Variants in ATP10A observed in about 807,000 individuals in gnomAD.
ATP10A encodes the protein phospholipid-transporting ATPase VA.
In ATP10A, 111 loss-of-function variants were observed where a neutral mutation model predicts 147.8. The observed-to-expected ratio is 0.75, with a 90% CI of 0.64 to 0.88. ATP10A has a LOEUF of 0.88. Ranked by LOEUF, ATP10A falls within the 40% of genes least tolerant of loss-of-function variation. ATP10A has a pLI of 0.00. For missense variants in ATP10A, 1,927 were observed against 1,959.0 expected (o/e 0.98, Z 0.31); for synonymous variants, 875 against 841.6 (o/e 1.04, Z -0.69).
At chr15:25,800,880 C>T (rs1167335854) in intron 1 of ATP10A, among the ~76,000 whole-genome samples, 2 of 152,104 alleles carry the variant, frequency 1.3e-5, no homozygotes, top group African/African-American at 2.4e-5. Flanking sequence ...CATCAGGAAC[C>T]GAGTTCCCAT....
At chr15:25,691,322 G>C (rs907399127) in intron 15 of ATP10A, among the ~76,000 whole-genome samples, 1 of 152,126 alleles carries the variant, frequency 6.6e-6, no homozygotes. Flanking sequence ...GTACAGTGAC[G>C]CCAGGCTCCA....
At chr15:25,727,605 T>C (rs1305244991) in intron 3 of ATP10A, among the ~76,000 whole-genome samples, 3 of 152,166 alleles carry the variant, frequency 2.0e-5, no homozygotes, top group Non-Finnish European at 4.4e-5. Context: ...CCTTGCTACG[T>C]GGTCTCTGTA....
At chr15:25,770,938 T>C (rs7176203) in intron 2 of ATP10A, among the ~76,000 whole-genome samples, 123,572 of 152,196 alleles carry the variant, frequency 0.81, 50,175 homozygotes, top group Middle Eastern at 0.85. Flanking sequence ...GGAACTCGGG[T>C]CGCACAGGGG....
At chr15:25,809,727 C>T (rs1341985758) in intron 1 of ATP10A, among the ~76,000 whole-genome samples, 1 of 152,126 alleles carries the variant, frequency 6.6e-6, no homozygotes, top group African/African-American at 2.4e-5. Flanking sequence ...GAAGACAACC[C>T]CACTCCTGCA....
intron 4 of ATP10A, 59 bp downstream of exon 4, chr15:25,727,101 G>A: frequency 8.3e-7 from 1 of 1,209,242 alleles, no homozygotes; most frequent in South Asian, 1.3e-5. Context: ...ACAGTGAGGG[G>A]AAGTGCTGGA....
intron 1 of ATP10A, among the ~76,000 whole-genome samples, chr15:25,839,707 A>T (rs1264045788): frequency 6.6e-6 from 1 of 152,162 alleles, no homozygotes; most frequent in African/African-American, 2.4e-5. Context: ...TACCATTAAT[A>T]ACTCAATGGT....
intron 2 of ATP10A, among the ~76,000 whole-genome samples, chr15:25,751,239 GC>G (rs1434706365): frequency 6.6e-6 from 1 of 152,072 alleles, no homozygotes; most frequent in Non-Finnish European, 1.5e-5. Context: ...GGGCCAAAAT[GC>G]CCCTGACAAC....
intron 16 of ATP10A, among the ~76,000 whole-genome samples, chr15:25,686,039 C>T (rs754351151): frequency 6.6e-6 from 1 of 152,042 alleles, no homozygotes. Context: ...GAGGTATGAG[C>T]CGGCAAGCCC....
chr15:25,751,847 G>A (rs1888169943), intron 2 of ATP10A, among the ~76,000 whole-genome samples: 1 of 152,012 alleles, frequency 6.6e-6, no homozygotes, highest in African/African-American at 2.4e-5. Flanking sequence ...TAAAGAATAG[G>A]CAAGGGATCT....
chr15:25,786,077 G>C (rs1890144611), intron 1 of ATP10A, among the ~76,000 whole-genome samples: 1 of 152,244 alleles, frequency 6.6e-6, no homozygotes, highest in Non-Finnish European at 1.5e-5. Flanking sequence ...GAGAAGTGTG[G>C]GGAGAAGGAG....
intron 17 of ATP10A, among the ~76,000 whole-genome samples, chr15:25,682,745 T>G (rs1465869152): frequency 6.6e-6 from 1 of 152,218 alleles, no homozygotes; most frequent in Non-Finnish European, 1.5e-5. Flanking sequence ...AATTAGGGAT[T>G]ATTGCAGGAG....
At position 25,713,706 on chromosome 15, in the gene ATP10A, A is replaced by G. The variant is rs771786979; in HGVS notation, c.2312T>C (p.Val771Ala). Reference protein sequence around the residue: ...INVYTKGADSVVMDLLQPCSS... With the variant: ...INVYTKGADSAVMDLLQPCSS... Reference sequence around the variant, plus strand: ...GCAGGGCTGCAGGAGATCCATGACCACTGAGTCGGCCCCCTTGGTGTAGAC... The same window carrying G: ...GCAGGGCTGCAGGAGATCCATGACCGCTGAGTCGGCCCCCTTGGTGTAGAC... Residue 771 changes from valine (V) to alanine (A), a missense_variant, in exon 10 of 21, where the codon GTG becomes GCG. Physicochemically the swap from Val to Ala is moderately conservative, Grantham distance 64. Transcript: ENST00000555815. 4 of 1,614,090 alleles carry G rather than the reference A, an allele frequency of 2.5e-6. No individual in the cohort carries two copies. The highest frequency in any genetic ancestry group is 3.4e-6 in the Non-Finnish European group (4 of 1,180,010).
intron 2 of ATP10A, among the ~76,000 whole-genome samples, chr15:25,764,099 C>T (rs921819600): frequency 1.3e-5 from 2 of 152,150 alleles, no homozygotes; most frequent in Non-Finnish European, 2.9e-5. Flanking sequence ...CCCCCAGGAT[C>T]TTGTCAAAAT....
intron 9 of ATP10A, among the ~76,000 whole-genome samples, chr15:25,714,957 G>GAC (rs1199936933): frequency 7.5e-6 from 1 of 133,792 alleles, no homozygotes; most frequent in East Asian, 2.3e-4. Context: ...CAAAATGAAT[G>GAC]ACACATATAC....
chr15:25,756,598 C>T (rs1398068721), intron 2 of ATP10A, among the ~76,000 whole-genome samples: 1 of 152,094 alleles, frequency 6.6e-6, no homozygotes, highest in East Asian at 1.9e-4. Context: ...AGCCGAGATC[C>T]TACCACTGCA....
At chr15:25,680,418 T>C in intron 19 of ATP10A, 110 bp from the exon 20 acceptor site, 1 of 1,187,284 alleles carries the variant, frequency 8.4e-7, no homozygotes, top group African/African-American at 1.5e-5. Context: ...TTCTGAGGCC[T>C]TCAGACACAC....
chr15:25,783,865 C>T (rs967752186), intron 1 of ATP10A, among the ~76,000 whole-genome samples: 3 of 152,156 alleles, frequency 2.0e-5, no homozygotes, highest in Non-Finnish European at 4.4e-5. Flanking sequence ...ATGGTCAGTC[C>T]AGGGAACCAT....
intron 1 of ATP10A, among the ~76,000 whole-genome samples, chr15:25,836,772 C>G (rs765504485): frequency 6.6e-6 from 1 of 152,148 alleles, no homozygotes; most frequent in Non-Finnish European, 1.5e-5. Context: ...TGGGCACTAT[C>G]GTTACTGTCG....
chr15:25,741,071 C>G (rs1887559359), intron 2 of ATP10A, among the ~76,000 whole-genome samples: 2 of 152,202 alleles, frequency 1.3e-5, no homozygotes, highest in Admixed American at 1.3e-4. Context: ...GTAGGGTAGG[C>G]AGGTGCCACA....
Sources: gnomAD v4.1 joint callset for allele counts (sites outside exome capture counted in the v4.1 genomes callset) on GRCh38, gnomAD v4.1.1 for gene constraint, MANE v1.5 for transcripts, NCBI Gene and HGNC (gene_info 2026-07-23, HGNC 2026-07-21) for gene names.